BICRAL: variants seen among roughly 807,000 people sequenced by gnomAD.
The protein encoded by BICRAL is BICRA like chromatin remodeling complex associated protein.
A neutral mutation model predicts 91.8 loss-of-function variants in BICRAL; 8 were observed. That is an observed-to-expected ratio of 0.09 (90% CI 0.05 to 0.16). The LOEUF is 0.16. Ranked by LOEUF, BICRAL falls within the 10% of genes least tolerant of loss-of-function variation. The pLI is 1.00. For synonymous variants in BICRAL, 445 were observed against 491.1 expected (o/e 0.91, Z 1.24); for missense variants, 1,038 against 1,310.9 (o/e 0.79, Z 3.21).
At position 42,830,085 on chromosome 6, in the gene BICRAL, T is replaced by C. The variant is rs767908263; in HGVS notation, c.1752T>C (p.Ser584=). The change falls in exon 6 of 13, where the codon TCT becomes TCC. Residue 584 remains serine, a synonymous_variant. Transcript: ENST00000314073. ...PNRTPVPVSV[S]HRLPVSSSKS... ...GGACTCCAGTACCAGTCAGTGTGTC[T>C]CATCGTCTTCCAGTTTCTTCTTCCA... is the stretch of plus-strand genomic sequence containing the variant. 1.9e-6 allele frequency: 3 copies of C among 1,614,160 alleles called. No homozygotes were observed. The East Asian group carries it at 6.7e-5, about 36-fold the overall frequency.
chr6:42,754,320 C>T (rs1425125000), intron 1 of BICRAL, among the ~76,000 whole-genome samples: 2 of 151,940 alleles, frequency 1.3e-5, no homozygotes, highest in Admixed American at 6.6e-5. Context: ...TACAGGCGCC[C>T]GCCACCACGC....
chr6:42,836,555 C>A (rs539660403), intron 6 of BICRAL, among the ~76,000 whole-genome samples: 2 of 151,280 alleles, frequency 1.3e-5, no homozygotes, highest in African/African-American at 4.9e-5. Flanking sequence ...GTATTTAGGT[C>A]AGCTACCATT....
At chr6:42,839,491 T>C (rs573820240) in intron 6 of BICRAL, among the ~76,000 whole-genome samples, 17 of 152,028 alleles carry the variant, frequency 1.1e-4, no homozygotes, top group African/African-American at 4.1e-4. Context: ...ATGAGGAATT[T>C]TAAACACAAA....
At chr6:42,841,164 T>C (rs1764784529) in intron 6 of BICRAL, among the ~76,000 whole-genome samples, 2 of 148,534 alleles carry the variant, frequency 1.3e-5, no homozygotes, top group Non-Finnish European at 1.5e-5. Flanking sequence ...TGAGAGTGCC[T>C]GAATGATCAC....
intron 1 of BICRAL, among the ~76,000 whole-genome samples, chr6:42,784,292 CTATT>C (rs1763037941): frequency 6.6e-6 from 1 of 152,064 alleles, no homozygotes; most frequent in Admixed American, 6.5e-5. Context: ...TTGGTAGTAT[CTATT>C]AGAGATGGGG....
chr6:42,778,440 C>T (rs1169424264), upstream of BICRAL, among the ~76,000 whole-genome samples: 2 of 152,136 alleles, frequency 1.3e-5, no homozygotes, highest in Non-Finnish European at 2.9e-5. Flanking sequence ...CCTTATTCTT[C>T]GGGTTTGAGT....
Position 42,857,242 on chromosome 6 carries a change from C to A in BICRAL, c.2254+6C>A. 6.2e-7 allele frequency: 1 copy of A among 1,609,596 alleles called. No individual in the cohort carries two copies. The highest frequency in any genetic ancestry group is 8.5e-7 in the Non-Finnish European group (1 of 1,177,016). ...TGAAGAAGACTTGAGAAAAGGTAAG[C>A]AGGCTGGGACCCTAAGGCACCACTC... On this transcript the variant is annotated splice_donor_region_variant and intron_variant, in intron 10 of 12. Coordinates refer to ENST00000314073, the MANE Select transcript of BICRAL (RefSeq NM_001393499.1).
intron 1 of BICRAL, among the ~76,000 whole-genome samples, chr6:42,804,292 G>C (rs1209080728): frequency 1.3e-5 from 2 of 152,128 alleles, no homozygotes; most frequent in South Asian, 4.1e-4. Context: ...AAAAGTTCTG[G>C]GATTACAGGC....
intron 1 of BICRAL, among the ~76,000 whole-genome samples, chr6:42,792,953 GTTTAT>G (rs1036222599): frequency 1.0e-4 from 15 of 149,894 alleles, no homozygotes; most frequent in South Asian, 4.2e-4. Context: ...TGGCTGGCTG[GTTTAT>G]TTTATTTATT....
At chr6:42,754,685 A>G (rs921931448) in intron 1 of BICRAL, among the ~76,000 whole-genome samples, 1 of 152,220 alleles carries the variant, frequency 6.6e-6, no homozygotes, top group Non-Finnish European at 1.5e-5. Flanking sequence ...TGAGGCTAAG[A>G]GTTTGAGACC....
rs368465673 is a variant in BICRAL at position 42,841,269 on chromosome 6, A to G, written c.1840-10823A>G. On this transcript the variant is annotated intron_variant, in intron 6 of 12. Coordinates refer to ENST00000314073, the MANE Select transcript of BICRAL (RefSeq NM_001393499.1). ...AGTGGCACGATCTTGGCTCACTGCA[A>G]CCTCCACCTCCCGGGTTCAAGCGAT... Among the ~76,000 whole-genome samples, 38 of 141,092 alleles carry G rather than the reference A, an allele frequency of 2.7e-4. No individual in the cohort carries two copies. In the East Asian group the frequency reaches 7.8e-3, roughly 29 times the overall value. 92.6% of individuals were successfully genotyped at this position (141,092 alleles called of 152,430 possible).
intron 1 of BICRAL, among the ~76,000 whole-genome samples, chr6:42,801,267 A>AAAG (rs3077734): frequency 6.6e-6 from 1 of 150,674 alleles, no homozygotes; most frequent in Non-Finnish European, 1.5e-5. Context: ...AAAAAAAAAA[A>AAAG]GAGAGCGAGA....
chr6:42,856,018 AT>A (rs1765339994), intron 9 of BICRAL, 101 bp downstream of exon 9: 7 of 955,202 alleles, frequency 7.3e-6, no homozygotes, highest in African/African-American at 4.9e-5. Flanking sequence ...TAATGAGTAT[AT>A]TAGCCTTTTT....
intron 12 of BICRAL, among the ~76,000 whole-genome samples, chr6:42,863,692 TC>T (rs1220776790): frequency 6.6e-6 from 1 of 152,182 alleles, no homozygotes; most frequent in Non-Finnish European, 1.5e-5. Context: ...ATTTCTGTTT[TC>T]AGACTGTTTC....
chr6:42,762,787 G>T (rs922321798), intron 1 of BICRAL, among the ~76,000 whole-genome samples: 1 of 152,088 alleles, frequency 6.6e-6, no homozygotes, highest in East Asian at 1.9e-4. Flanking sequence ...CTTAAGCCTG[G>T]TGTGGTGGTA....
chr6:42,754,882 C>T (rs774068039), intron 1 of BICRAL, among the ~76,000 whole-genome samples: 1 of 152,150 alleles, frequency 6.6e-6, no homozygotes. Context: ...GGCAACAAAA[C>T]GAGACCCTGT....
intron 6 of BICRAL, among the ~76,000 whole-genome samples, chr6:42,837,467 T>C (rs899669100): frequency 2.6e-5 from 4 of 151,414 alleles, no homozygotes; most frequent in Non-Finnish European, 5.9e-5. Flanking sequence ...AAAAATCAAA[T>C]GGGGCCGGGC....
rs548870478 is a variant in BICRAL at position 42,865,187 on chromosome 6, C to T, written c.2981C>T (p.Ser994Leu). 3 of 1,614,116 alleles carry T rather than the reference C, an allele frequency of 1.9e-6. No homozygotes were observed. The South Asian group carries it at 3.3e-5, about 18-fold the overall frequency. The change falls in exon 13 of 13, where the codon TCA becomes TTA. Residue 994 changes from serine (S) to leucine (L), a missense_variant. Ser to Leu is a moderately radical substitution (Grantham distance 145, BLOSUM62 -2). Around this residue, in one of 5 missense-constraint regions of BICRAL, gnomAD observed 92 missense variants for 147.8 expected, o/e 0.62. Transcript: ENST00000314073. ...TTACACACAGACATCATGAAAGGGT[C>T]AGGCGAACCCCAGCCAGATCTCCAG... The part of the protein sequence containing the change: ...EVLHTDIMKG[S>L]GEPQPDLQLT...
In BICRAL at chr6:42,867,783, A is replaced by G. The variant is rs1487607689; in HGVS notation, c.*2337A>G. 6.6e-6 allele frequency: 1 copy of G among 152,228 alleles called. No homozygotes were observed. The highest frequency in any genetic ancestry group is 2.4e-5 in the African/African-American group (1 of 41,468). 9.4% of individuals were successfully genotyped at this position (152,228 alleles called of 1,614,324 possible). ...TTTTAAGCCCTAACACTTGTCTAGCAAATGGAGAGCCTAATTTACCAAAAT... is the reference window on the plus strand; with the variant it reads ...TTTTAAGCCCTAACACTTGTCTAGCGAATGGAGAGCCTAATTTACCAAAAT... On this transcript the variant is annotated 3_prime_UTR_variant, in exon 13 of 13. Coordinates refer to ENST00000314073, the MANE Select transcript of BICRAL (RefSeq NM_001393499.1).
Sources: gnomAD v4.1 joint callset for allele counts (sites outside exome capture counted in the v4.1 genomes callset) on GRCh38, gnomAD v4.1.1 for gene constraint, gnomAD v4.1.1 regional missense constraint, MANE v1.5 for transcripts, NCBI Gene and HGNC (gene_info 2026-07-23, HGNC 2026-07-21) for gene names.